The following ZFYVE16 variants were observed in gnomAD, a reference collection of about 807,000 sequenced individuals.
ZFYVE16 encodes zinc finger FYVE domain-containing protein 16.
Under a neutral mutation model 138.1 loss-of-function variants are expected in ZFYVE16, and 89 were observed. That is an observed-to-expected ratio of 0.64 (90% CI 0.54 to 0.77). ZFYVE16 has a LOEUF of 0.77. Ranked by LOEUF, ZFYVE16 falls within the 30% of genes least tolerant of loss-of-function variation. The pLI is 0.00. For missense variants in ZFYVE16, 1,793 were observed against 1,786.7 expected, an observed-to-expected ratio of 1.00 and a Z score of -0.06; for synonymous variants, 596 against 618.3, an observed-to-expected ratio of 0.96 and a Z score of 0.53.
chr5:80,416,364 T>C (rs1275257305), intron 1 of ZFYVE16, among the ~76,000 whole-genome samples: 3 of 147,864 alleles, frequency 2.0e-5, no homozygotes, highest in African/African-American at 7.5e-5. Flanking sequence ...CAAGCGATTC[T>C]CCTGCCTCAG....
At chr5:80,440,130 A>C in intron 5 of ZFYVE16, 98 bp downstream of exon 5, 1 of 1,425,604 alleles carries the variant, frequency 7.0e-7, no homozygotes, top group Non-Finnish European at 9.2e-7. Context: ...TCTTAAGGCA[A>C]GGACCTAGTG....
intron 15 of ZFYVE16, among the ~76,000 whole-genome samples, chr5:80,465,396 CTTTGTTTTT>C (rs1216901390): frequency 2.3e-4 from 6 of 26,380 alleles, no homozygotes; most frequent in African/African-American, 5.1e-4. Context: ...TTTTCCTTTT[CTTTGTTTTT>C]TTTTTTTTTT....
At chr5:80,439,110 T>C (rs1403919334) in intron 4 of ZFYVE16, 103 bp downstream of exon 4, 9 of 1,221,514 alleles carry the variant, frequency 7.4e-6, no homozygotes, top group Non-Finnish European at 1.0e-5. Context: ...AAGATTGAGT[T>C]AGTTTAAAAT....
chr5:80,423,164 T>G (rs1306164023), intron 1 of ZFYVE16, among the ~76,000 whole-genome samples: 1 of 152,198 alleles, frequency 6.6e-6, no homozygotes, highest in African/African-American at 2.4e-5. Context: ...GGTGATTTAT[T>G]TTTATGGAAC....
At position 80,481,507 on chromosome 5, in the gene ZFYVE16, GA is replaced by G. The variant is rs1561352672; in HGVS notation, c.*4132del. Among the ~76,000 whole-genome samples the G allele has an allele frequency of 6.6e-6, 1 of 152,082 alleles. No individual in the cohort carries two copies. The highest frequency in any genetic ancestry group is 2.4e-5 in the African/African-American group (1 of 41,396). ...CTAGATGGTGCACAACTGGGGCAAA[GA>G]ACAGCTTAACAAAGGCAGTGAAAAC... On this transcript the variant is annotated 3_prime_UTR_variant, in exon 19 of 19. Coordinates refer to ENST00000505560, the MANE Select transcript of ZFYVE16 (RefSeq NM_001284236.3).
At chr5:80,408,495 C>T (rs1744945250) in intron 1 of ZFYVE16, among the ~76,000 whole-genome samples, 1 of 152,250 alleles carries the variant, frequency 6.6e-6, no homozygotes, top group Admixed American at 6.5e-5. Context: ...GGAGAAGCGC[C>T]CTGGCGCCGC....
chr5:80,439,185 G>A (rs555600746), intron 4 of ZFYVE16, among the ~76,000 whole-genome samples, 178 bp downstream of exon 4: 1 of 152,170 alleles, frequency 6.6e-6, no homozygotes, highest in Non-Finnish European at 1.5e-5. Flanking sequence ...ATTGCTTGAT[G>A]GTTGAATAAA....
chr5:80,420,614 A>G (rs1747004463), intron 1 of ZFYVE16, among the ~76,000 whole-genome samples: 1 of 152,196 alleles, frequency 6.6e-6, no homozygotes, highest in Non-Finnish European at 1.5e-5. Flanking sequence ...GTCCCTACAA[A>G]GGACATGAAC....
At position 80,478,278 on chromosome 5, in the gene ZFYVE16, C is replaced by T. The variant is rs1375313021; in HGVS notation, c.*901C>T. On this transcript the variant is annotated 3_prime_UTR_variant, in exon 19 of 19. Coordinates refer to ENST00000505560, the MANE Select transcript of ZFYVE16 (RefSeq NM_001284236.3). ...GTCATTATGTAGCAATAAATGAAGCCTGAAACAGGTTTTTTTACTTCCACT... is the reference window on the plus strand; with the variant it reads ...GTCATTATGTAGCAATAAATGAAGCTTGAAACAGGTTTTTTTACTTCCACT... The T allele has an allele frequency of 1.3e-5, 2 of 151,940 alleles. No individual in the cohort carries two copies. The highest frequency in any genetic ancestry group is 1.3e-4 in the Admixed American group (2 of 15,262). The allele number at this position is 151,940 out of a possible 1,614,324, so 9.4% of individuals were successfully genotyped here. A position where few individuals can be genotyped will look rare whatever the true frequency, so the allele number is the denominator to read the frequency against.
upstream of ZFYVE16, among the ~76,000 whole-genome samples, chr5:80,407,720 C>T (rs961389857): frequency 1.3e-5 from 2 of 152,218 alleles, no homozygotes; most frequent in African/African-American, 2.4e-5. Flanking sequence ...AGGGCTAAGG[C>T]TGGAGCCGGG....
intron 5 of ZFYVE16, chr5:80,440,683 TG>T (rs1435163937): frequency 2.6e-5 from 26 of 983,802 alleles, no homozygotes; most frequent in Non-Finnish European, 3.1e-5. Flanking sequence ...TGTGTGTGTG[TG>T]TGTGTGTGTG....
At chr5:80,432,574 A>G (rs942508624) in intron 2 of ZFYVE16, among the ~76,000 whole-genome samples, 4 of 152,244 alleles carry the variant, frequency 2.6e-5, no homozygotes, top group African/African-American at 9.6e-5. Context: ...ACAAAAGCCA[A>G]AATTGACAAA....
chr5:80,443,273 C>T lies in ZFYVE16; in HGVS notation c.2570C>T (p.Pro857Leu), dbSNP rs766497650. ...TTGCCAGTCTCAGCACTTAAACAAC[C>T]AGGTGTTGAAGGTAATAGAAGAAAA... ...ATLPVSALKQ[P>L]GVEGLCSKEQ... is the part of the protein sequence containing the mutation. The change falls in exon 6 of 19, where the codon CCA (proline) becomes CTA (leucine). Residue 857 changes from proline (P) to leucine (L), a missense_variant. By Grantham distance (98) the Pro-to-Leu change is moderately conservative. Around this residue, in one of 2 missense-constraint regions of ZFYVE16, gnomAD observed 1,295 missense variants for 1,204.3 expected, o/e 1.08. Coordinates refer to ENST00000505560, the MANE Select transcript of ZFYVE16 (RefSeq NM_001284236.3). 1.2e-5 allele frequency: 19 copies of T among 1,606,944 alleles called. No homozygotes were observed. The highest frequency in any genetic ancestry group is 1.7e-4 in the Middle Eastern group (1 of 6,042).
chr5:80,453,928 G>A (rs146819617), intron 11 of ZFYVE16: 9 of 152,284 alleles, frequency 5.9e-5, no homozygotes, highest in Admixed American at 2.0e-4. Flanking sequence ...AACTCAGATA[G>A]TATGTCATTC....
chr5:80,425,447 C>T (rs1454270658), intron 1 of ZFYVE16, among the ~76,000 whole-genome samples: 1 of 152,160 alleles, frequency 6.6e-6, no homozygotes, highest in Non-Finnish European at 1.5e-5. Flanking sequence ...GTTTACCCTT[C>T]CTAGTCCCCA....
chr5:80,472,921 A>T lies in ZFYVE16; in HGVS notation c.4185A>T (p.Lys1395Asn). ...TAGATGCTGAAGAAAAAGGAAACAA[A>T]GGGTAGGAATTTTTTTATTCTAAAA... The part of the protein sequence containing the change: ...CWVDAEEKGN[K>N]GVISSVDGIS... The change falls in exon 16 of 19, where the codon AAA becomes AAT. Residue 1395 changes from lysine (K) to asparagine (N), a missense_variant and splice_region_variant. Lys to Asn is a moderately conservative substitution (Grantham distance 94). This residue lies in a region of ZFYVE16 where 498 missense variants were observed against 582.4 expected (regional missense o/e 0.86). Coordinates refer to ENST00000505560, the MANE Select transcript of ZFYVE16 (RefSeq NM_001284236.3). 1 of 1,590,246 alleles carries T rather than the reference A, an allele frequency of 6.3e-7. No homozygotes were observed.
intron 7 of ZFYVE16, among the ~76,000 whole-genome samples, chr5:80,447,266 CAAAAAAAAAA>C (rs56836828): frequency 1.0e-4 from 7 of 69,288 alleles, no homozygotes; most frequent in Non-Finnish European, 5.9e-5. Flanking sequence ...GACTCCATCT[CAAAAAAAAAA>C]AAAAAAAAAA....
Position 80,436,963 on chromosome 5 carries a change from A to AT in ZFYVE16, c.279dup (p.Glu94Ter), listed in dbSNP as rs1255860979. The AT allele has an allele frequency of 6.2e-7, 1 of 1,614,106 alleles. No homozygotes were observed. The highest frequency in any genetic ancestry group is 2.2e-5 in the East Asian group (1 of 44,874). On this transcript the variant is annotated frameshift_variant, in exon 4 of 19. Coordinates refer to ENST00000505560, the MANE Select transcript of ZFYVE16 (RefSeq NM_001284236.3). LOFTEE classifies it high-confidence loss of function. ...CTCAAGGGACTTACTTCTATACAAA[A>AT]TGAAAAAAATGTAACAGGACTTGAT...
At position 80,482,178 on chromosome 5, in the gene ZFYVE16, T is replaced by C. The variant is rs1177017943; in HGVS notation, c.*4801T>C. On this transcript the variant is annotated 3_prime_UTR_variant, in exon 19 of 19. Transcript: ENST00000505560. ...AGAAGACATTTCTCCAAAGGAAATA[T>C]ATAAAGGGAAACACTGTTGAAATAA... The C allele has an allele frequency of 1.3e-5, 2 of 152,158 alleles. No individual in the cohort carries two copies. The highest frequency in any genetic ancestry group is 4.8e-5 in the African/African-American group (2 of 41,430). The allele number at this position is 152,158 out of a possible 1,614,324, so 9.4% of individuals were successfully genotyped here.
Sources: allele counts gnomAD v4.1 joint callset (sites outside exome capture counted in the v4.1 genomes callset), GRCh38; gene constraint gnomAD v4.1.1; regional missense constraint gnomAD v4.1.1; transcripts MANE v1.5; gene names NCBI Gene and HGNC (gene_info 2026-07-23, HGNC 2026-07-21).